GPC3: variants seen among roughly 807,000 people sequenced by gnomAD.
GPC3 encodes glypican 3.
Under a neutral mutation model 34.4 loss-of-function variants are expected in GPC3, and 3 were observed. That is an observed-to-expected ratio of 0.09 (90% CI 0.04 to 0.23). The LOEUF (loss-of-function observed/expected upper bound fraction) is 0.23. GPC3 is among the 10% of genes least tolerant of loss of function. The pLI, the probability that GPC3 is intolerant of heterozygous loss-of-function variation, is 1.00. For missense variants in GPC3, 351 were observed against 445.6 expected (o/e 0.79, Z 1.91); for synonymous variants, 177 against 174.0 (o/e 1.02, Z -0.13).
intron 1 of GPC3, among the ~76,000 whole-genome samples, chrX:133,958,385 T>A (rs184231957): frequency 0.041 from 4,424 of 107,035 alleles, 82 homozygotes; most frequent in East Asian, 0.12. Context: ...TATAAAAAAA[T>A]TTTTTTTTAA....
At chrX:133,784,477 G>A (rs1836837570) in intron 2 of GPC3, among the ~76,000 whole-genome samples, 2 of 110,896 alleles carry the variant, frequency 1.8e-5, no homozygotes, top group Admixed American at 9.6e-5. Context: ...CCAGCTCCTC[G>A]GCAGAGCTGA....
intron 1 of GPC3, among the ~76,000 whole-genome samples, chrX:133,973,976 T>C (rs1218883162): frequency 8.9e-6 from 1 of 112,530 alleles, no homozygotes; most frequent in African/African-American, 3.2e-5. Context: ...AAGACAAATG[T>C]AATGTGTGAT....
intron 1 of GPC3, 120 bp downstream of exon 1, chrX:133,985,155 A>G: frequency 6.5e-6 from 5 of 772,095 alleles, no homozygotes; most frequent in Non-Finnish European, 9.7e-6. Context: ...ACCACTCCCA[A>G]GTGCCCAGCT....
At position 133,536,172 on chromosome X, in the gene GPC3, G is replaced by A. The variant is rs1348658434; in HGVS notation, c.1695C>T (p.Leu565=). 8.3e-7 allele frequency: 1 copy of A among 1,205,042 alleles called. No homozygotes were observed. Among genetic ancestry groups the A allele is most frequent in the African/African-American group, 1.8e-5 (1 of 56,705 alleles). ...LGNVHSPLKL[L]TSMAISVVCF... is the part of the protein sequence containing the mutation. ...ACACCACCGAGATGGCCATGCTGGT[G>A]AGAAGCTTCAGCGGGGAATGAACGT... The change falls in exon 8 of 8, where the codon CTC becomes CTT. Residue 565 remains leucine (L), a synonymous_variant. Coordinates refer to ENST00000370818, the MANE Select transcript of GPC3 (RefSeq NM_004484.4).
chrX:133,711,051 AG>A (rs1373266865), intron 3 of GPC3, among the ~76,000 whole-genome samples: 1 of 112,083 alleles, frequency 8.9e-6, no homozygotes. Flanking sequence ...CCCAGTGAAA[AG>A]GAATTACCTC....
chrX:133,890,567 TA>T (rs918369991), intron 2 of GPC3, among the ~76,000 whole-genome samples: 1 of 108,467 alleles, frequency 9.2e-6, no homozygotes, highest in African/African-American at 3.4e-5. Flanking sequence ...AAAATAAAAA[TA>T]AAAAAAAGGT....
At chrX:133,781,101 T>C (rs1467468105) in intron 2 of GPC3, among the ~76,000 whole-genome samples, 1 of 111,915 alleles carries the variant, frequency 8.9e-6, no homozygotes, top group East Asian at 2.8e-4. Flanking sequence ...TTTTTAATTC[T>C]GTATTTCTTT....
chrX:133,681,968 A>T (rs1295235177), intron 5 of GPC3, among the ~76,000 whole-genome samples: 1 of 112,438 alleles, frequency 8.9e-6, no homozygotes, highest in Admixed American at 9.4e-5. Context: ...TGTTTCAATC[A>T]GTATTCAACT....
intron 2 of GPC3, among the ~76,000 whole-genome samples, chrX:133,761,339 G>T (rs763895322): frequency 8.9e-6 from 1 of 112,303 alleles, no homozygotes; most frequent in Admixed American, 9.4e-5. Flanking sequence ...ATTTCTGTCA[G>T]ATTTTTCTGG....
chrX:133,561,280 T>C (rs1394665195), intron 7 of GPC3, among the ~76,000 whole-genome samples: 2 of 112,442 alleles, frequency 1.8e-5, no homozygotes, highest in African/African-American at 6.5e-5. Context: ...ACAGTGCCAA[T>C]TTGGAATTTC....
chrX:133,570,188 G>A (rs1017948690), intron 7 of GPC3, among the ~76,000 whole-genome samples: 17 of 109,066 alleles, frequency 1.6e-4, no homozygotes, highest in African/African-American at 5.4e-4. Context: ...ACCGCGCCCG[G>A]CCTGTTTGTT....
chrX:133,691,653 T>C (rs1007852100), intron 5 of GPC3, among the ~76,000 whole-genome samples: 1 of 111,376 alleles, frequency 9.0e-6, no homozygotes, highest in African/African-American at 3.3e-5. Flanking sequence ...TGGGGGAAAA[T>C]AACAGTATTC....
At chrX:133,573,739 T>C (rs1259067487) in intron 7 of GPC3, among the ~76,000 whole-genome samples, 1 of 112,308 alleles carries the variant, frequency 8.9e-6, no homozygotes, top group African/African-American at 3.2e-5. Context: ...CTCTGAATAA[T>C]ACAAAACATT....
At chrX:133,763,126 C>G (rs764680360) in intron 2 of GPC3, 4 of 703,163 alleles carry the variant, frequency 5.7e-6, no homozygotes, top group Non-Finnish European at 9.0e-6. Context: ...CTTCACTAAC[C>G]AGATCCAGGC....
intron 2 of GPC3, among the ~76,000 whole-genome samples, chrX:133,909,624 T>C (rs1026236256): frequency 8.9e-6 from 1 of 112,022 alleles, no homozygotes; most frequent in Non-Finnish European, 1.9e-5. Flanking sequence ...AAAATTCATA[T>C]ATGTATAATC....
chrX:133,839,435 AC>A (rs1448879858), intron 2 of GPC3, among the ~76,000 whole-genome samples: 1 of 111,303 alleles, frequency 9.0e-6, no homozygotes, highest in Non-Finnish European at 1.9e-5. Context: ...ATATCAAATC[AC>A]CATGCTGTAT....
chrX:133,742,449 G>T (rs1445621446), intron 3 of GPC3, among the ~76,000 whole-genome samples: 1 of 111,531 alleles, frequency 9.0e-6, no homozygotes, highest in African/African-American at 3.3e-5. Context: ...TTGCTGAGAT[G>T]ATTTCTAAGC....
chrX:133,984,341 T>G (rs1294694426), intron 1 of GPC3, among the ~76,000 whole-genome samples: 1 of 113,142 alleles, frequency 8.8e-6, no homozygotes, highest in Non-Finnish European at 1.9e-5. Context: ...AGCAATTTGG[T>G]CTAATTGGAT....
rs917098356 is a variant in GPC3, at chrX:133,860,826, G to C, written c.337+92224C>G. ...ATCTTTTAAAAAATTGATTGGCCAG[G>C]CACGGTGGCTCATGCCTGTAATCCT... On this transcript the variant is annotated intron_variant, in intron 2 of 7. Transcript: ENST00000370818. Among the ~76,000 whole-genome samples, 59 of 111,834 alleles carry C rather than the reference G, an allele frequency of 5.3e-4. 2 individuals are homozygous for C. In the Admixed American group the frequency reaches 5.6e-3, roughly 11 times the overall value.
Sources: gnomAD v4.1 joint callset for allele counts (sites outside exome capture counted in the v4.1 genomes callset) on GRCh38, gnomAD v4.1.1 for gene constraint, MANE v1.5 for transcripts, NCBI Gene and HGNC (gene_info 2026-07-23, HGNC 2026-07-21) for gene names.